Variants in CDH4 observed in about 807,000 individuals in gnomAD.
CDH4 encodes cadherin-4.
In CDH4, 33 loss-of-function variants were observed where a neutral mutation model predicts 86.0. The ratio of observed to expected loss-of-function variants is 0.38; its 90% CI spans 0.29 to 0.51. The LOEUF (loss-of-function observed/expected upper bound fraction) is 0.51. Ranked by LOEUF, CDH4 falls within the 20% of genes least tolerant of loss-of-function variation. The pLI, the probability that CDH4 is intolerant of heterozygous loss-of-function variation, is 0.86. For missense variants in CDH4, 1,114 were observed against 1,307.4 expected, an observed-to-expected ratio of 0.85 and a Z score of 2.28; for synonymous variants, 555 against 549.4, an observed-to-expected ratio of 1.01 and a Z score of -0.14.
At chr20:61,850,980 T>C (rs1024532522) in intron 5 of CDH4, among the ~76,000 whole-genome samples, 10 of 152,202 alleles carry the variant, frequency 6.6e-5, no homozygotes, top group Admixed American at 2.0e-4. Flanking sequence ...AGTTAGGAGA[T>C]AATAACTTTA....
intron 2 of CDH4, among the ~76,000 whole-genome samples, chr20:61,441,768 G>A (rs62200873): frequency 0.13 from 20,255 of 152,134 alleles, 1,667 homozygotes; most frequent in Non-Finnish European, 0.18. Context: ...CCAGAGCTGT[G>A]AGCAATAAAT....
At chr20:61,762,057 C>G (rs1005195823) in intron 3 of CDH4, among the ~76,000 whole-genome samples, 1 of 152,262 alleles carries the variant, frequency 6.6e-6, no homozygotes. Flanking sequence ...GCCCACCTGG[C>G]TCTGCTGTGG....
At chr20:61,611,943 G>T (rs1289098505) in intron 2 of CDH4, among the ~76,000 whole-genome samples, 1 of 152,076 alleles carries the variant, frequency 6.6e-6, no homozygotes, top group Non-Finnish European at 1.5e-5. Context: ...GGGGATACGG[G>T]CGAGTCACCT....
At chr20:61,698,288 G>C (rs115019532) in intron 2 of CDH4, among the ~76,000 whole-genome samples, 2,413 of 152,344 alleles carry the variant, frequency 0.016, 65 homozygotes, top group African/African-American at 0.055. Flanking sequence ...CCAGGCCCCA[G>C]ATCCGTCCTG....
intron 2 of CDH4, among the ~76,000 whole-genome samples, chr20:61,303,490 C>G (rs1053050969): frequency 1.1e-4 from 16 of 152,212 alleles, no homozygotes; most frequent in Non-Finnish European, 2.1e-4. Context: ...GGCTGCCCCT[C>G]TTCCCCTTCT....
chr20:61,266,498 G>C (rs1456856117), intron 2 of CDH4, among the ~76,000 whole-genome samples: 13 of 151,938 alleles, frequency 8.6e-5, no homozygotes, highest in African/African-American at 2.4e-4. Flanking sequence ...CTATATTGAT[G>C]TGCCTAGAAA....
chr20:61,791,195 T>C (rs889204907), intron 4 of CDH4, among the ~76,000 whole-genome samples: 1 of 152,262 alleles, frequency 6.6e-6, no homozygotes, highest in African/African-American at 2.4e-5. Context: ...GTAATAAGTT[T>C]TTGACAGTGG....
At chr20:61,430,443 G>A (rs1286266106) in intron 2 of CDH4, among the ~76,000 whole-genome samples, 1 of 152,158 alleles carries the variant, frequency 6.6e-6, no homozygotes, top group Non-Finnish European at 1.5e-5. Context: ...ACAGTTTGAT[G>A]TGTAATTGCA....
intron 2 of CDH4, among the ~76,000 whole-genome samples, chr20:61,432,493 C>T (rs2085253497): frequency 6.6e-6 from 1 of 151,986 alleles, no homozygotes; most frequent in African/African-American, 2.4e-5. Flanking sequence ...ATATCTTCTT[C>T]TTGTTGGGTT....
intron 2 of CDH4, among the ~76,000 whole-genome samples, chr20:61,318,719 G>C (rs79693104): frequency 0.046 from 6,988 of 152,310 alleles, 382 homozygotes; most frequent in African/African-American, 0.13. Context: ...AGCGTGTTGA[G>C]CTCTTTGGCT....
Position 61,406,208 on chromosome 20 carries a change from AGACCACCATCTGCTCTACCCG to A in CDH4, c.169+151330_169+151350del, listed in dbSNP as rs1342830602. On this transcript the variant is annotated intron_variant, in intron 2 of 15. Transcript: ENST00000614565. ...GTACACCAATACCTGGTTTCACCCC[AGACCACCATCTGCTCTACCCG>A]GACCACCATCTGCTCTACCCGGACC... Among the ~76,000 whole-genome samples, 215 of 152,104 alleles carry A rather than the reference AGACCACCATCTGCTCTACCCG, an allele frequency of 1.4e-3. 30 individuals carry two copies. Among genetic ancestry groups the A allele is most frequent in the African/African-American group, 2.1e-3 (86 of 41,494 alleles).
chr20:61,610,944 C>A (rs2086680684), intron 2 of CDH4, among the ~76,000 whole-genome samples: 1 of 151,044 alleles, frequency 6.6e-6, no homozygotes, highest in Non-Finnish European at 1.5e-5. Context: ...GAAATGCTGG[C>A]CAGGGCTCAG....
intron 2 of CDH4, among the ~76,000 whole-genome samples, chr20:61,317,692 A>G (rs1265691094): frequency 6.6e-6 from 1 of 152,024 alleles, no homozygotes; most frequent in Non-Finnish European, 1.5e-5. Flanking sequence ...ACAACCAAAA[A>G]TGCCTCTAGA....
intron 2 of CDH4, among the ~76,000 whole-genome samples, chr20:61,723,518 T>C (rs73611561): frequency 0.33 from 50,278 of 151,966 alleles, 9,422 homozygotes; most frequent in South Asian, 0.44. Flanking sequence ...CTGGGCATGA[T>C]GGGCACCTGA....
chr20:61,275,442 T>TGCAGTTTGGGGGAGTACCGTGC (rs2084224920), intron 2 of CDH4, among the ~76,000 whole-genome samples: 1 of 83,930 alleles, frequency 1.2e-5, no homozygotes, highest in African/African-American at 5.0e-5. Flanking sequence ...GAGTACCGTG[T>TGCAGTTTGGGGGAGTACCGTGC]GCAGTTTGGG....
intron 2 of CDH4, among the ~76,000 whole-genome samples, chr20:61,467,267 A>G (rs185292019): frequency 2.6e-5 from 4 of 152,352 alleles, no homozygotes; most frequent in Admixed American, 2.6e-4. Flanking sequence ...GTAAATAGCA[A>G]TGAAGAAAGT....
At chr20:61,428,891 C>T (rs1401129430) in intron 2 of CDH4, among the ~76,000 whole-genome samples, 1 of 152,154 alleles carries the variant, frequency 6.6e-6, no homozygotes, top group East Asian at 1.9e-4. Flanking sequence ...GAAAATTGTG[C>T]ACAGACTGAG....
At chr20:61,483,274 A>G (rs143345465) in intron 2 of CDH4, among the ~76,000 whole-genome samples, 1 of 152,276 alleles carries the variant, frequency 6.6e-6, no homozygotes, top group Non-Finnish European at 1.5e-5. Flanking sequence ...GGAGAATCCC[A>G]GACATAACTC....
chr20:61,292,453 A>G (rs1568784554), intron 2 of CDH4, among the ~76,000 whole-genome samples: 1 of 152,194 alleles, frequency 6.6e-6, no homozygotes, highest in Non-Finnish European at 1.5e-5. Flanking sequence ...GGTCTAGTCT[A>G]GTGGTTCTCA....
Sources: allele counts gnomAD v4.1 joint callset (sites outside exome capture counted in the v4.1 genomes callset), GRCh38; gene constraint gnomAD v4.1.1; transcripts MANE v1.5; gene names NCBI Gene and HGNC (gene_info 2026-07-23, HGNC 2026-07-21).